Variants in VAV3 observed in about 807,000 individuals in gnomAD.
VAV3 encodes the protein vav guanine nucleotide exchange factor 3, also known as guanine nucleotide exchange factor VAV3.
A neutral mutation model predicts 131.2 loss-of-function variants in VAV3; 94 were observed. The observed-to-expected ratio is 0.72, with a 90% confidence interval of 0.61 to 0.85. The LOEUF (loss-of-function observed/expected upper bound fraction) is 0.85, where lower values mean the gene tolerates loss of function less well. VAV3 is among the 40% of genes least tolerant of loss of function. VAV3 has a pLI of 0.00. For missense variants in VAV3, 939 were observed against 1,002.7 expected (o/e 0.94, Z 0.86); for synonymous variants, 349 against 342.0 (o/e 1.02, Z -0.22).
chr1:107,810,272 C>T (rs2102328382), intron 2 of VAV3, among the ~76,000 whole-genome samples: 1 of 152,218 alleles, frequency 6.6e-6, no homozygotes, highest in Middle Eastern at 3.4e-3. Context: ...GTTCACATCT[C>T]TCCATCAGCA....
At chr1:107,928,376 C>G (rs1673260931) in intron 1 of VAV3, among the ~76,000 whole-genome samples, 1 of 152,176 alleles carries the variant, frequency 6.6e-6, no homozygotes, top group Admixed American at 6.5e-5. Flanking sequence ...AGCACCAAGA[C>G]CATCCAGGAA....
chr1:107,844,461 G>A (rs1239087075), intron 2 of VAV3, among the ~76,000 whole-genome samples: 1 of 152,136 alleles, frequency 6.6e-6, no homozygotes, highest in Non-Finnish European at 1.5e-5. Context: ...TGGAACACCA[G>A]CGAGACGGAA....
At chr1:107,768,354 G>C in intron 7 of VAV3, 87 bp downstream of exon 7, 1 of 971,104 alleles carries the variant, frequency 1.0e-6, no homozygotes, top group Non-Finnish European at 1.5e-6. Context: ...ATACAAAAGA[G>C]TATTAAAATA....
chr1:107,594,588 C>T (rs1342557540), intron 25 of VAV3, among the ~76,000 whole-genome samples: 1 of 151,724 alleles, frequency 6.6e-6, no homozygotes, highest in Non-Finnish European at 1.5e-5. Context: ...ACTGGCTATG[C>T]TTTTTTTTAA....
Position 107,603,037 on chromosome 1 carries a change from T to A in VAV3, c.2132+10A>T. 6.3e-7 allele frequency: 1 copy of A among 1,590,022 alleles called. No homozygotes were observed. Among genetic ancestry groups the A allele is most frequent in the Non-Finnish European group, 8.6e-7 (1 of 1,158,636 alleles). ...AAATCTATTTCTGTAAAAGTACTTG[T>A]CCTACTTACTTAATGCTAATTGCAT... is the stretch of plus-strand genomic sequence containing the variant. On this transcript the variant is annotated intron_variant, in intron 23 of 26. Transcript: ENST00000370056.
chr1:107,683,600 T>TGC, intron 18 of VAV3, 67 bp from the exon 19 acceptor site: 1 of 1,487,726 alleles, frequency 6.7e-7, no homozygotes, highest in Non-Finnish European at 9.4e-7. Flanking sequence ...TAAATTGTAT[T>TGC]ACTACTGGCA....
chr1:107,603,236 C>T lies in VAV3; in HGVS notation c.2016-73G>A, dbSNP rs1652005797. The T allele has an allele frequency of 9.1e-6, 10 of 1,094,194 alleles. No homozygotes were observed. In the South Asian group the frequency reaches 1.4e-4, roughly 15 times the overall value. The allele number at this position is 1,094,194 out of a possible 1,614,324, so 67.8% of individuals were successfully genotyped here. A position where few individuals can be genotyped will look rare whatever the true frequency, so the allele number is the denominator to read the frequency against. On this transcript the variant is annotated intron_variant, in intron 22 of 26. Transcript: ENST00000370056. ...GAACAGAGGCTAAAAGTAAGTATCT[C>T]TCAATATTTAATTTAGTGGCAGATC... is the stretch of plus-strand genomic sequence containing the variant.
chr1:107,898,482 C>T (rs1571111961), intron 1 of VAV3, among the ~76,000 whole-genome samples: 1 of 152,110 alleles, frequency 6.6e-6, no homozygotes, highest in East Asian at 1.9e-4. Context: ...CCCTACATAC[C>T]AAGCCTTTAG....
At chr1:107,879,481 T>C (rs1318910906) in intron 1 of VAV3, among the ~76,000 whole-genome samples, 2 of 152,202 alleles carry the variant, frequency 1.3e-5, no homozygotes, top group East Asian at 3.8e-4. Flanking sequence ...AAAATTGAGA[T>C]AACTGAAGAA....
At chr1:107,631,760 G>A (rs944641378) in intron 20 of VAV3, among the ~76,000 whole-genome samples, 77 of 151,412 alleles carry the variant, frequency 5.1e-4, no homozygotes, top group African/African-American at 1.8e-3. Context: ...AATTTGCTGA[G>A]AATGATTGTT....
chr1:107,607,737 T>C (rs1251474785), intron 22 of VAV3, among the ~76,000 whole-genome samples: 1 of 152,202 alleles, frequency 6.6e-6, no homozygotes, highest in Non-Finnish European at 1.5e-5. Flanking sequence ...CCCCGAAACA[T>C]AGATTATTGA....
At chr1:107,762,816 T>C (rs1664515597) in intron 9 of VAV3, among the ~76,000 whole-genome samples, 1 of 152,116 alleles carries the variant, frequency 6.6e-6, no homozygotes, top group South Asian at 2.1e-4. Flanking sequence ...GAGACTCAAA[T>C]GTAAAATGCT....
At chr1:107,946,791 A>C (rs1393080501) in intron 1 of VAV3, among the ~76,000 whole-genome samples, 3 of 152,224 alleles carry the variant, frequency 2.0e-5, no homozygotes, top group Non-Finnish European at 4.4e-5. Context: ...TTCTTCAGCT[A>C]TAATAGTTAT....
At chr1:107,851,188 AAAG>A (rs1669209360) in intron 2 of VAV3, among the ~76,000 whole-genome samples, 1 of 151,756 alleles carries the variant, frequency 6.6e-6, no homozygotes, top group East Asian at 1.9e-4. Context: ...AAAAAAAAAA[AAAG>A]AAGCCGGCCC....
At chr1:107,662,873 A>C (rs1657124249) in intron 19 of VAV3, among the ~76,000 whole-genome samples, 1 of 152,194 alleles carries the variant, frequency 6.6e-6, no homozygotes, top group African/African-American at 2.4e-5. Flanking sequence ...GGCAGGTGTC[A>C]ATCAGAAAGC....
chr1:107,955,222 G>A (rs1674748816), intron 1 of VAV3, among the ~76,000 whole-genome samples: 2 of 152,126 alleles, frequency 1.3e-5, no homozygotes, highest in African/African-American at 4.8e-5. Flanking sequence ...CACTTTCTGA[G>A]AGTCACTCGG....
chr1:107,886,241 T>TC (rs748248792), intron 1 of VAV3, among the ~76,000 whole-genome samples: 8 of 152,218 alleles, frequency 5.3e-5, no homozygotes, highest in Admixed American at 2.0e-4. Context: ...CCATGGAGTA[T>TC]CTCAGTTTAT....
At chr1:107,716,867 C>T (rs966004619) in intron 15 of VAV3, among the ~76,000 whole-genome samples, 2 of 152,146 alleles carry the variant, frequency 1.3e-5, no homozygotes, top group Admixed American at 1.3e-4. Context: ...CCGTCTGGTC[C>T]TGGACTCTTT....
intron 17 of VAV3, among the ~76,000 whole-genome samples, chr1:107,702,367 G>A (rs1660185643): frequency 6.6e-6 from 1 of 152,132 alleles, no homozygotes; most frequent in African/African-American, 2.4e-5. Context: ...TTACAATTCA[G>A]GATGAGATTT....
Sources: allele counts gnomAD v4.1 joint callset (sites outside exome capture counted in the v4.1 genomes callset), GRCh38; gene constraint gnomAD v4.1.1; transcripts MANE v1.5; gene names NCBI Gene and HGNC (gene_info 2026-07-23, HGNC 2026-07-21).